The following CHD1 variants were observed in gnomAD, a reference collection of about 807,000 sequenced individuals.
CHD1 encodes the protein ATP-dependent chromatin remodeler CHD1.
Under a neutral mutation model 224.2 loss-of-function variants are expected in CHD1, and 36 were observed. The ratio of observed to expected loss-of-function variants is 0.16; its 90% CI spans 0.12 to 0.21. CHD1 has a LOEUF of 0.21. CHD1 is among the 10% of genes least tolerant of loss of function. The pLI, the probability that CHD1 is intolerant of heterozygous loss-of-function variation, is 1.00. For missense variants in CHD1, 1,378 were observed against 1,994.8 expected (o/e 0.69, Z 5.89); for synonymous variants, 668 against 658.3 (o/e 1.01, Z -0.23).
intron 29 of CHD1, 78 bp from the exon 30 acceptor site, chr5:98,869,960 C>T (rs900376963): frequency 2.7e-5 from 29 of 1,070,240 alleles, no homozygotes; most frequent in Admixed American, 1.4e-4. Flanking sequence ...AATCCAAGGG[C>T]TAGAACACAT....
chr5:98,884,317 G>A (rs886372407), intron 18 of CHD1, among the ~76,000 whole-genome samples: 1 of 151,800 alleles, frequency 6.6e-6, no homozygotes, highest in Non-Finnish European at 1.5e-5. Flanking sequence ...CTCATGATCC[G>A]CCCGTCTCAG....
Position 98,860,028 on chromosome 5 carries a change from C to T in CHD1, c.4468G>A (p.Ala1490Thr). ...TTATATAATTTATGTAATTTTCTTG[C>T]ATCAAATTCAGTAAACTTAGATACA... is the stretch of plus-strand genomic sequence containing the variant. ...IFVSKFTEFDARKLHKLYKHA... is the reference protein window; with the variant it reads ...IFVSKFTEFDTRKLHKLYKHA... The change falls in exon 33 of 36, where the codon GCA becomes ACA. Residue 1490 changes from alanine to threonine, a missense_variant. By Grantham distance (58) the Ala-to-Thr change is moderately conservative (BLOSUM62 0). This residue lies in a region of CHD1 where 278 missense variants were observed against 298.5 expected (regional missense o/e 0.93). Coordinates refer to ENST00000614616, the MANE Select transcript of CHD1 (RefSeq NM_001270.4). The T allele has an allele frequency of 6.4e-7, 1 of 1,567,036 alleles. No individual in the cohort carries two copies. Among genetic ancestry groups the T allele is most frequent in the Admixed American group, 1.9e-5 (1 of 52,302 alleles).
intron 18 of CHD1, 91 bp downstream of exon 18, chr5:98,885,487 G>A: frequency 2.4e-6 from 2 of 819,772 alleles, no homozygotes; most frequent in Admixed American, 2.7e-5. Flanking sequence ...TATCAAACTA[G>A]ATATGAAGAT....
intron 2 of CHD1, among the ~76,000 whole-genome samples, chr5:98,913,485 G>C (rs1202198426): frequency 6.6e-6 from 1 of 152,078 alleles, no homozygotes; most frequent in Non-Finnish European, 1.5e-5. Context: ...AAAAAAAGGG[G>C]AGGCAGCCTT....
At chr5:98,908,111 G>A (rs1752165083) in intron 2 of CHD1, among the ~76,000 whole-genome samples, 1 of 152,014 alleles carries the variant, frequency 6.6e-6, no homozygotes, top group African/African-American at 2.4e-5. Flanking sequence ...GACCTTTCAG[G>A]ATCTCTCTCT....
At chr5:98,898,185 T>C in intron 10 of CHD1, 71 bp downstream of exon 10, 1 of 848,814 alleles carries the variant, frequency 1.2e-6, no homozygotes, top group Non-Finnish European at 1.6e-6. Context: ...CCAACTCTTG[T>C]ATTTAGGCTT....
At chr5:98,919,861 T>C (rs924057187) in intron 2 of CHD1, among the ~76,000 whole-genome samples, 1 of 152,178 alleles carries the variant, frequency 6.6e-6, no homozygotes, top group Admixed American at 6.5e-5. Context: ...GCAGTGACAC[T>C]TGAATATCAA....
chr5:98,927,501 C>T (rs934246663), intron 1 of CHD1, among the ~76,000 whole-genome samples: 9 of 152,092 alleles, frequency 5.9e-5, no homozygotes, highest in Non-Finnish European at 1.2e-4. Context: ...AGATTGTTAC[C>T]AACTCAATGA....
chr5:98,858,207 T>A lies in CHD1; in HGVS notation c.4760A>T (p.Asp1587Val), dbSNP rs771539453. ...SSFSNGKDHRDWDHYKQDSRY... is the reference protein window; with the variant it reads ...SSFSNGKDHRVWDHYKQDSRY... ...GCTGTCTTGCTTGTAGTGATCCCAA[T>A]CACGATGGTCTTTACCATTACTAAA... The change falls in exon 35 of 36, where the codon GAT (aspartate) becomes GTT (valine). Residue 1587 changes from aspartate to valine, a missense_variant. This residue lies in a region of CHD1 where 278 missense variants were observed against 298.5 expected (regional missense o/e 0.93). Transcript: ENST00000614616. The A allele has an allele frequency of 1.9e-6, 3 of 1,612,978 alleles. No individual in the cohort carries two copies. The African/African-American group carries it at 4.0e-5, about 22-fold the overall frequency.
intron 32 of CHD1, among the ~76,000 whole-genome samples, chr5:98,862,070 T>C (rs942561046): frequency 6.6e-6 from 1 of 152,006 alleles, no homozygotes; most frequent in Admixed American, 6.5e-5. Context: ...GGTGGAAGGA[T>C]AGCTTGAGCC....
chr5:98,863,390 G>A lies in CHD1; in HGVS notation c.4427+18C>T, dbSNP rs1369371965. On this transcript the variant is annotated intron_variant, in intron 32 of 35. Coordinates refer to ENST00000614616, the MANE Select transcript of CHD1 (RefSeq NM_001270.4). ...ATATAATATAAATTTAACACTTCCT[G>A]AAAAGTGTATCACTTACTTTCTCCA... The A allele has an allele frequency of 2.9e-6, 4 of 1,400,044 alleles. No homozygotes were observed. The highest frequency in any genetic ancestry group is 3.0e-5 in the African/African-American group (2 of 67,054). The allele number at this position is 1,400,044 out of a possible 1,614,324, so 86.7% of individuals were successfully genotyped here.
At chr5:98,865,498 T>C (rs1175766567) in intron 31 of CHD1, among the ~76,000 whole-genome samples, 1 of 152,224 alleles carries the variant, frequency 6.6e-6, no homozygotes, top group Non-Finnish European at 1.5e-5. Context: ...CAATAGTCCT[T>C]TGCAATAGTA....
rs1374360176 is a variant in CHD1 at position 98,901,268 on chromosome 5, C to G, written c.505G>C (p.Glu169Gln). ...QSGSDSESEE[E>Q]REKSSCDETE... ...TCATCACAACTGCTTTTCTCTCTCT[C>G]TTCTTCAGATTCTGAATCTGAACCA... Residue 169 changes from glutamate to glutamine, a missense_variant, in exon 6 of 36, where the codon GAG becomes CAG. By Grantham distance (29) the Glu-to-Gln change is conservative (BLOSUM62 2). Around this residue, in one of 16 missense-constraint regions of CHD1, gnomAD observed 306 missense variants for 298.1 expected, o/e 1.03. Coordinates refer to ENST00000614616, the MANE Select transcript of CHD1 (RefSeq NM_001270.4). 2.5e-6 allele frequency: 4 copies of G among 1,613,926 alleles called. No homozygotes were observed. In the Admixed American group the frequency reaches 5.0e-5, roughly 20 times the overall value.
intron 1 of CHD1, among the ~76,000 whole-genome samples, 173 bp downstream of exon 1, chr5:98,928,365 CT>C (rs1753636983): frequency 6.6e-6 from 1 of 152,106 alleles, no homozygotes; most frequent in Non-Finnish European, 1.5e-5. Context: ...GTACTCGCCG[CT>C]CACACGCCCC....
At chr5:98,917,059 T>G (rs2112621005) in intron 2 of CHD1, among the ~76,000 whole-genome samples, 1 of 152,220 alleles carries the variant, frequency 6.6e-6, no homozygotes, top group East Asian at 1.9e-4. Flanking sequence ...TTGTAGGAAT[T>G]TAGAATGTTA....
rs1339093639 is a variant in CHD1 at position 98,901,047 on chromosome 5, T to G, written c.623A>C (p.Gln208Pro). ...AGATGAATCAATCTGTCTCTTTTTTTGTCCAAGAATCTTCTTTCCATTTTT... is the reference window on the plus strand; with the variant it reads ...AGATGAATCAATCTGTCTCTTTTTTGGTCCAAGAATCTTCTTTCCATTTTT... ...KSKNGKKILG[Q>P]KKRQIDSSEE... The change falls in exon 7 of 36, where the codon CAA (glutamine) becomes CCA (proline). Residue 208 changes from glutamine to proline, a missense_variant. By Grantham distance (76) the Gln-to-Pro change is moderately conservative. Around this residue, in one of 16 missense-constraint regions of CHD1, gnomAD observed 306 missense variants for 298.1 expected, o/e 1.03. Transcript: ENST00000614616. 5 of 1,602,134 alleles carry G rather than the reference T, an allele frequency of 3.1e-6. No homozygotes were observed. The South Asian group carries it at 3.4e-5, about 11-fold the overall frequency.
intron 2 of CHD1, among the ~76,000 whole-genome samples, chr5:98,911,146 A>AATATATATAT (rs1158932549): frequency 9.7e-4 from 38 of 39,114 alleles, no homozygotes; most frequent in African/African-American, 1.7e-3. Flanking sequence ...AAAAAAAAAA[A>AATATATATAT]ATATATATAT....
At chr5:98,877,630 T>G (rs1235743923) in intron 23 of CHD1, among the ~76,000 whole-genome samples, 1 of 152,208 alleles carries the variant, frequency 6.6e-6, no homozygotes, top group East Asian at 1.9e-4. Flanking sequence ...TCCGAACCTC[T>G]AATATGCTGA....
chr5:98,890,560 T>C (rs1033268279), intron 15 of CHD1, among the ~76,000 whole-genome samples: 2 of 152,224 alleles, frequency 1.3e-5, no homozygotes, highest in Non-Finnish European at 2.9e-5. Flanking sequence ...CCATGATATA[T>C]GACTAGCACT....
Sources: allele counts gnomAD v4.1 joint callset (sites outside exome capture counted in the v4.1 genomes callset), GRCh38; gene constraint gnomAD v4.1.1; regional missense constraint gnomAD v4.1.1; transcripts MANE v1.5; gene names NCBI Gene and HGNC (gene_info 2026-07-23, HGNC 2026-07-21).